SLC14A2: variants seen among roughly 807,000 people sequenced by gnomAD.
SLC14A2 encodes urea transporter 2.
In SLC14A2, 91 loss-of-function variants were observed where a neutral mutation model predicts 104.6. The ratio of observed to expected loss-of-function variants is 0.87; its 90% CI spans 0.73 to 1.04. The LOEUF is 1.04. SLC14A2 is among the 50% of genes least tolerant of loss of function. SLC14A2 has a pLI of 0.00. For missense variants in SLC14A2, 1,189 were observed against 1,156.0 expected (o/e 1.03, Z -0.41); for synonymous variants, 476 against 466.4 (o/e 1.02, Z -0.27).
chr18:45,611,564 C>T (rs1858566800), upstream of SLC14A2, among the ~76,000 whole-genome samples: 1 of 152,166 alleles, frequency 6.6e-6, no homozygotes, highest in African/African-American at 2.4e-5. Context: ...TGTGTTTATA[C>T]ACATTGAATC....
rs181150579 is a variant in SLC14A2, at chr18:45,225,704, C to T, written c.-125+12513C>T. Among the ~76,000 whole-genome samples, 327 of 152,290 alleles carry T rather than the reference C, an allele frequency of 2.1e-3. 3 individuals are homozygous for T. The highest frequency in any genetic ancestry group is 7.2e-3 in the African/African-American group (300 of 41,556). ...TTGTAGTTCTTGAAGAGGTCCTTCA[C>T]ATCCCTTGTAAGTTGGATTCCTAGG... On this transcript the variant is annotated intron_variant, in intron 1 of 20. Transcript: ENST00000586448.
chr18:45,414,757 A>AT (rs1555684043), intron 1 of SLC14A2, among the ~76,000 whole-genome samples: 11 of 76,088 alleles, frequency 1.4e-4, no homozygotes, highest in African/African-American at 6.2e-4. Context: ...AAAAAAAAAA[A>AT]ATATATATAT....
chr18:45,418,966 G>A (rs2086308525), intron 1 of SLC14A2, among the ~76,000 whole-genome samples: 1 of 152,182 alleles, frequency 6.6e-6, no homozygotes, highest in African/African-American at 2.4e-5. Flanking sequence ...AGGACGGTTA[G>A]GAAAATGCAA....
rs943283474 is a variant in SLC14A2, at chr18:45,624,747, C to T, written c.83C>T (p.Pro28Leu). The T allele has an allele frequency of 1.4e-5, 23 of 1,613,312 alleles. No homozygotes were observed. Among genetic ancestry groups the T allele is most frequent in the Non-Finnish European group, 1.8e-5 (21 of 1,179,758 alleles). The change falls in exon 2 of 20, where the codon CCG (proline) becomes CTG (leucine). Residue 28 changes from proline (P) to leucine (L), a missense_variant. Transcript: ENST00000255226. ...YKLYEAEFTS[P>L]SWPSTSPDTH... ...CTCTACGAGGCAGAGTTTACCAGCC[C>T]GAGCTGGCCCTCGACATCCCCGGAT...
chr18:45,654,507 T>C (rs192704995), intron 10 of SLC14A2, among the ~76,000 whole-genome samples: 2 of 152,282 alleles, frequency 1.3e-5, no homozygotes, highest in African/African-American at 4.8e-5. Context: ...ACAAAACCAC[T>C]TAATTCTTCA....
intron 1 of SLC14A2, among the ~76,000 whole-genome samples, chr18:45,301,721 A>T (rs1484829257): frequency 6.6e-6 from 1 of 152,194 alleles, no homozygotes; most frequent in East Asian, 1.9e-4. Flanking sequence ...AATGCAATCC[A>T]TTGACCAGGT....
chr18:45,392,109 A>G lies in SLC14A2; in HGVS notation c.-124-91124A>G, dbSNP rs73431998. On this transcript the variant is annotated intron_variant, in intron 1 of 20. Transcript: ENST00000586448. ...GTCCTGGGACACGCAGAAAGTAGTG[A>G]AAGCAGAATCAGCACTTCAGAATCC... Among the ~76,000 whole-genome samples the G allele has an allele frequency of 2.4e-3, 362 of 152,322 alleles. 5 individuals carry two copies. The highest frequency in any genetic ancestry group is 8.3e-3 in the African/African-American group (346 of 41,560).
At chr18:45,287,286 G>C (rs1046116836) in intron 1 of SLC14A2, among the ~76,000 whole-genome samples, 3 of 152,198 alleles carry the variant, frequency 2.0e-5, no homozygotes, top group Non-Finnish European at 4.4e-5. Flanking sequence ...GGTAGAATCT[G>C]GTAAATGTTT....
chr18:45,458,547 G>GT (rs1323788780), intron 1 of SLC14A2, among the ~76,000 whole-genome samples: 3 of 152,124 alleles, frequency 2.0e-5, no homozygotes, highest in African/African-American at 7.2e-5. Flanking sequence ...GTGACATCAT[G>GT]CTTGAAATGA....
intron 10 of SLC14A2, among the ~76,000 whole-genome samples, chr18:45,662,513 G>A (rs182734055): frequency 6.6e-6 from 1 of 152,288 alleles, no homozygotes; most frequent in African/African-American, 2.4e-5. Context: ...TTCTGGGGTA[G>A]GGCCTGAGAT....
intron 3 of SLC14A2, among the ~76,000 whole-genome samples, chr18:45,626,120 TTTGCAAA>T (rs2045254250): frequency 6.6e-6 from 1 of 152,212 alleles, no homozygotes; most frequent in African/African-American, 2.4e-5. Flanking sequence ...ATCTTAGTTC[TTTGCAAA>T]TTGCTCGTTC....
At chr18:45,365,581 A>G (rs1205449580) in intron 1 of SLC14A2, among the ~76,000 whole-genome samples, 1 of 152,186 alleles carries the variant, frequency 6.6e-6, no homozygotes, top group Non-Finnish European at 1.5e-5. Flanking sequence ...CTTCCTTGCT[A>G]GAGAAGAAAC....
Position 45,641,207 on chromosome 18 carries a change from A to G in SLC14A2, c.992-2A>G, listed in dbSNP as rs993695233. 6.2e-7 allele frequency: 1 copy of G among 1,614,060 alleles called. No individual in the cohort carries two copies. Among genetic ancestry groups the G allele is most frequent in the Non-Finnish European group, 8.5e-7 (1 of 1,179,962 alleles). ...ACAGAAATACCACACCTTGTCCCAT[A>G]GCCCTGTCAGTGGCCACACCCTTCG... On this transcript the variant is annotated splice_acceptor_variant, in intron 7 of 19. Transcript: ENST00000255226. LOFTEE classifies it high-confidence loss of function.
chr18:45,368,331 T>C (rs1184276343), intron 1 of SLC14A2, among the ~76,000 whole-genome samples: 2 of 151,504 alleles, frequency 1.3e-5, no homozygotes, highest in Non-Finnish European at 2.9e-5. Context: ...AGGGTGAGAG[T>C]GTAGGAGGGA....
chr18:45,177,799 T>G, the SLC14A2 span, among the ~76,000 whole-genome samples: 3 of 152,206 alleles, frequency 2.0e-5, no homozygotes, highest in Non-Finnish European at 4.4e-5. Flanking sequence ...AGAGTAGACA[T>G]GCAATTCATA....
the SLC14A2 span, among the ~76,000 whole-genome samples, chr18:45,179,369 C>T: frequency 6.6e-6 from 1 of 152,186 alleles, no homozygotes; most frequent in African/African-American, 2.4e-5. Context: ...CCACCATGGC[C>T]TCAGGCTGGA....
intron 4 of SLC14A2, among the ~76,000 whole-genome samples, chr18:45,628,838 C>T (rs2045302234): frequency 1.3e-5 from 2 of 152,150 alleles, no homozygotes; most frequent in South Asian, 4.1e-4. Flanking sequence ...ATATAAAATG[C>T]ATTTCTTACA....
At position 45,524,551 on chromosome 18, in the gene SLC14A2, A is replaced by C. The variant is rs966370120; in HGVS notation, c.-35+41229A>C. Among the ~76,000 whole-genome samples the C allele has an allele frequency of 2.0e-5, 3 of 152,194 alleles. No individual in the cohort carries two copies. The East Asian group carries it at 5.8e-4, about 29-fold the overall frequency. Reference sequence around the variant, plus strand: ...AGCAGCCTGATCACCTATGGTAGGCAAGGTACCCTGAACATAGTTCCCTAT... The same window carrying C: ...AGCAGCCTGATCACCTATGGTAGGCCAGGTACCCTGAACATAGTTCCCTAT... On this transcript the variant is annotated intron_variant, in intron 2 of 20. Coordinates refer to the SLC14A2 transcript ENST00000586448.
chr18:45,258,458 T>C (rs2084502591), intron 1 of SLC14A2, among the ~76,000 whole-genome samples: 1 of 143,118 alleles, frequency 7.0e-6, no homozygotes, highest in East Asian at 2.0e-4. Flanking sequence ...TTAGAACCAT[T>C]GCAATATGCT....
Sources: allele counts gnomAD v4.1 joint callset (sites outside exome capture counted in the v4.1 genomes callset), GRCh38; gene constraint gnomAD v4.1.1; transcripts MANE v1.5; gene names NCBI Gene and HGNC (gene_info 2026-07-23, HGNC 2026-07-21).